ADA: variants seen among roughly 807,000 people sequenced by gnomAD.
ADA encodes adenosine deaminase.
ADA carries 45 observed loss-of-function variants against 49.0 expected under a neutral mutation model. That is an observed-to-expected ratio of 0.92 (90% confidence interval 0.72 to 1.18). The LOEUF (loss-of-function observed/expected upper bound fraction) is 1.18, where lower values mean the gene tolerates loss of function less well. Ranked by LOEUF, ADA falls within the 50% of genes most tolerant of loss-of-function variation. The probability of loss-of-function intolerance (pLI) is 0.00; values close to 1 mark genes in which losing one functional copy is unlikely to be tolerated. For missense variants in ADA, 445 were observed against 472.5 expected, an observed-to-expected ratio of 0.94 and a Z score of 0.54; for synonymous variants, 173 against 184.2, an observed-to-expected ratio of 0.94 and a Z score of 0.49.
At chr20:44,646,670 G>A (rs556678606) in intron 1 of ADA, among the ~76,000 whole-genome samples, 22 of 152,116 alleles carry the variant, frequency 1.4e-4, no homozygotes, top group Non-Finnish European at 2.6e-4. Flanking sequence ...TGAGTTTCAG[G>A]AGTTGTCTAC....
chr20:44,619,880 G>T (rs1410713238), intron 11 of ADA, 33 bp from the exon 12 acceptor site: 3 of 1,614,078 alleles, frequency 1.9e-6, no homozygotes, highest in Admixed American at 3.3e-5. Context: ...AAAAAGATCA[G>T]GCAACTTGTA....
intron 3 of ADA, 58 bp from the exon 4 acceptor site, chr20:44,626,657 G>C (rs1246866690): frequency 6.2e-7 from 1 of 1,606,442 alleles, no homozygotes; most frequent in Admixed American, 1.7e-5. Flanking sequence ...GGGAGCTCCA[G>C]GAGCAAATGA....
intron 2 of ADA, among the ~76,000 whole-genome samples, chr20:44,635,759 G>A (rs1302147194): frequency 6.6e-6 from 1 of 152,180 alleles, no homozygotes; most frequent in Non-Finnish European, 1.5e-5. Flanking sequence ...TTAGCTGGAT[G>A]TGGTGGCATG....
chr20:44,623,305 A>G (rs1002172004), intron 6 of ADA, among the ~76,000 whole-genome samples: 1 of 152,246 alleles, frequency 6.6e-6, no homozygotes, highest in African/African-American at 2.4e-5. Flanking sequence ...TACATTATCT[A>G]ATATTCACAA....
chr20:44,650,678 C>G (rs992507327), intron 1 of ADA, among the ~76,000 whole-genome samples: 12 of 152,206 alleles, frequency 7.9e-5, no homozygotes, highest in Non-Finnish European at 1.2e-4. Context: ...AAATGATCCT[C>G]CCGCCTCAGC....
intron 4 of ADA, among the ~76,000 whole-genome samples, 164 bp from the exon 5 acceptor site, chr20:44,625,848 A>G (rs1347354323): frequency 7.2e-5 from 11 of 152,318 alleles, no homozygotes; most frequent in Admixed American, 5.9e-4. Context: ...CCCAGGCCCT[A>G]GCATGTCCCT....
intron 1 of ADA, among the ~76,000 whole-genome samples, chr20:44,638,040 G>A (rs1030507901): frequency 2.6e-5 from 4 of 152,174 alleles, no homozygotes; most frequent in African/African-American, 7.2e-5. Flanking sequence ...GCTATGGAGA[G>A]GGCCCAGCCA....
chr20:44,647,246 C>T (rs994318705), intron 1 of ADA, among the ~76,000 whole-genome samples: 2 of 151,626 alleles, frequency 1.3e-5, no homozygotes, highest in African/African-American at 4.9e-5. Flanking sequence ...ACCAGCCTGG[C>T]CAACAAGGAG....
At chr20:44,640,124 C>T (rs2065517901) in intron 1 of ADA, among the ~76,000 whole-genome samples, 1 of 152,122 alleles carries the variant, frequency 6.6e-6, no homozygotes, top group East Asian at 1.9e-4. Flanking sequence ...TAAATATTAC[C>T]TTATATGGGT....
At chr20:44,636,201 G>T in intron 2 of ADA, 26 bp downstream of exon 2, 1 of 1,595,956 alleles carries the variant, frequency 6.3e-7, no homozygotes, top group East Asian at 2.2e-5. Flanking sequence ...ATCCCAGGGA[G>T]AGAGGGCTCT....
chr20:44,631,916 C>T (rs1340365484), intron 2 of ADA, among the ~76,000 whole-genome samples: 2 of 152,206 alleles, frequency 1.3e-5, no homozygotes, highest in Non-Finnish European at 2.9e-5. Context: ...CTCTAGATCA[C>T]TCCCTTCCTG....
At chr20:44,628,900 G>T in intron 3 of ADA, 147 bp downstream of exon 3, 1 of 1,294,306 alleles carries the variant, frequency 7.7e-7, no homozygotes, top group Non-Finnish European at 1.1e-6. Context: ...AAAGGCACTG[G>T]AGAGACTCAC....
intron 1 of ADA, among the ~76,000 whole-genome samples, chr20:44,642,164 T>A (rs2065542031): frequency 6.6e-6 from 1 of 152,192 alleles, no homozygotes; most frequent in African/African-American, 2.4e-5. Flanking sequence ...AATCTTCCCA[T>A]CTGCCTGGGG....
At chr20:44,623,995 C>A in intron 6 of ADA, 1 of 637,220 alleles carries the variant, frequency 1.6e-6, no homozygotes, top group Non-Finnish European at 2.8e-6. Flanking sequence ...AATCCTCCTG[C>A]CTCGCCTCCC....
chr20:44,640,349 G>A (rs1479490753), intron 1 of ADA, among the ~76,000 whole-genome samples: 1 of 151,584 alleles, frequency 6.6e-6, no homozygotes, highest in Non-Finnish European at 1.5e-5. Context: ...GGGAGGCGGA[G>A]GTTGCAGTGA....
chr20:44,631,343 T>C (rs1423225122), intron 2 of ADA, among the ~76,000 whole-genome samples: 2 of 152,074 alleles, frequency 1.3e-5, no homozygotes, highest in African/African-American at 4.8e-5. Flanking sequence ...TGGTGCGGCA[T>C]TGGCACCTGG....
At chr20:44,640,217 C>T (rs532359346) in intron 1 of ADA, among the ~76,000 whole-genome samples, 1 of 152,210 alleles carries the variant, frequency 6.6e-6, no homozygotes, top group Non-Finnish European at 1.5e-5. Context: ...AGTTCAACAC[C>T]AGCCTGGCCA....
intron 1 of ADA, among the ~76,000 whole-genome samples, chr20:44,637,638 T>C (rs2065492534): frequency 6.6e-6 from 1 of 152,168 alleles, no homozygotes; most frequent in African/African-American, 2.4e-5. Context: ...GCCAAGGAGC[T>C]GCTGGCCCAA....
chr20:44,622,535 C>T (rs1423139423), intron 9 of ADA, 53 bp downstream of exon 9: 1 of 1,606,628 alleles, frequency 6.2e-7, no homozygotes, highest in African/African-American at 1.3e-5. Flanking sequence ...AGTTTCTTCC[C>T]TCTTTGGCCT....
Sources: gnomAD v4.1 joint callset for allele counts (sites outside exome capture counted in the v4.1 genomes callset) on GRCh38, gnomAD v4.1.1 for gene constraint, MANE v1.5 for transcripts, NCBI Gene and HGNC (gene_info 2026-07-23, HGNC 2026-07-21) for gene names.